Variants in APC observed in about 807,000 individuals in gnomAD.
The protein encoded by APC is APC regulator of Wnt signaling pathway.
Under a neutral mutation model 247.0 loss-of-function variants are expected in APC, and 72 were observed. That is an observed-to-expected ratio of 0.29 (90% CI 0.24 to 0.35). The LOEUF is 0.35. Ranked by LOEUF, APC falls within the 10% of genes least tolerant of loss-of-function variation. The pLI is 1.00. For synonymous variants in APC, 1,254 were observed against 1,162.5 expected (o/e 1.08, Z -1.60); for missense variants, 3,400 against 3,360.7 (o/e 1.01, Z -0.29).
Position 112,726,023 on chromosome 5 carries a change from A to G in APC, c.165+18141A>G, listed in dbSNP as rs374949466. ...GGGGAGTGGCTCATCTGTTCAGGCC[A>G]CCGTCCATGCTCAAACCCCTTATGG... is the stretch of plus-strand genomic sequence containing the variant. On this transcript the variant is annotated intron_variant, in intron 1 of 13. Coordinates refer to the APC transcript ENST00000507379. Among the ~76,000 whole-genome samples the G allele has an allele frequency of 4.6e-5, 7 of 151,994 alleles. No individual in the cohort carries two copies. In the East Asian group the frequency reaches 5.8e-4, roughly 13 times the overall value.
intron 1 of APC, among the ~76,000 whole-genome samples, chr5:112,728,076 T>C (rs928416377): frequency 1.3e-5 from 2 of 152,032 alleles, no homozygotes; most frequent in African/African-American, 4.8e-5. Context: ...ATGAGATTTT[T>C]TTGCAATTTT....
At chr5:112,834,560 C>A (rs1764661547) in intron 14 of APC, among the ~76,000 whole-genome samples, 1 of 152,128 alleles carries the variant, frequency 6.6e-6, no homozygotes, top group African/African-American at 2.4e-5. Context: ...GGGCCTTAAT[C>A]CACTTCCTGT....
rs748302469 is a variant in APC, at chr5:112,838,097, T to A, written c.2503T>A (p.Ser835Thr). 2 of 1,614,218 alleles carry A rather than the reference T, an allele frequency of 1.2e-6. No individual in the cohort carries two copies. The highest frequency in any genetic ancestry group is 1.1e-5 in the South Asian group (1 of 91,078). The stretch of plus-strand genomic sequence containing the variant: ...GAATACTACAGTGTTACCCAGCTCC[T>A]CTTCATCAAGAGGAAGCTTAGATAG... Reference protein sequence around the residue: ...YLNTTVLPSSSSSRGSLDSSR... With the variant: ...YLNTTVLPSSTSSRGSLDSSR... The change falls in exon 16 of 16, where the codon TCT (serine) becomes ACT (threonine). Residue 835 changes from serine to threonine, a missense_variant. Ser to Thr is a moderately conservative substitution (Grantham distance 58, BLOSUM62 1). Coordinates refer to ENST00000257430, the MANE Select transcript of APC (RefSeq NM_000038.6).
At chr5:112,817,454 T>C (rs1762627496) in intron 9 of APC, among the ~76,000 whole-genome samples, 1 of 152,208 alleles carries the variant, frequency 6.6e-6, no homozygotes, top group South Asian at 2.1e-4. Context: ...GAGTTGTATG[T>C]ACCTTATCTC....
intron 1 of APC, among the ~76,000 whole-genome samples, chr5:112,725,215 C>T (rs1751706064): frequency 6.6e-6 from 1 of 152,096 alleles, no homozygotes; most frequent in African/African-American, 2.4e-5. Context: ...TCAGGTGGTC[C>T]ACCTGCCTTG....
chr5:112,766,201 A>T, intron 2 of APC, 125 bp from the exon 3 acceptor site: 1 of 664,964 alleles, frequency 1.5e-6, no homozygotes, highest in East Asian at 2.7e-5. Context: ...GGTAATATAT[A>T]TAAGGTGCGT....
rs1580454056 is a variant in APC at position 112,801,178 on chromosome 5, T to C, written c.730-101T>C. Reference sequence around the variant, plus strand: ...TCCATGCCTTTATCAGTCTGTATAATTGATGCATTCAGAGCTTTAAAGCAA... The same window carrying C: ...TCCATGCCTTTATCAGTCTGTATAACTGATGCATTCAGAGCTTTAAAGCAA... On this transcript the variant is annotated intron_variant, in intron 7 of 15. Coordinates refer to ENST00000257430, the MANE Select transcript of APC (RefSeq NM_000038.6). 9 of 788,066 alleles carry C rather than the reference T, an allele frequency of 1.1e-5. No individual in the cohort carries two copies. In the East Asian group the frequency reaches 2.5e-4, roughly 22 times the overall value. 48.8% of individuals were successfully genotyped at this position (788,066 alleles called of 1,614,324 possible).
intron 1 of APC, among the ~76,000 whole-genome samples, chr5:112,744,742 A>G (rs1004653577): frequency 6.6e-6 from 1 of 152,226 alleles, no homozygotes; most frequent in African/African-American, 2.4e-5. Context: ...GGAGAGACTT[A>G]CTTGAGGAAG....
chr5:112,723,054 T>A (rs1422519393), intron 1 of APC, among the ~76,000 whole-genome samples: 2 of 151,970 alleles, frequency 1.3e-5, no homozygotes, highest in Non-Finnish European at 2.9e-5. Flanking sequence ...AAAACCAGAT[T>A]AGAGTCATGC....
chr5:112,794,857 A>G (rs1265148304), intron 7 of APC, among the ~76,000 whole-genome samples: 1 of 152,156 alleles, frequency 6.6e-6, no homozygotes, highest in Admixed American at 6.5e-5. Context: ...AAAGTGCTAT[A>G]CTTAGGATTA....
At chr5:112,832,896 C>G (rs1580592701) in intron 14 of APC, among the ~76,000 whole-genome samples, 1 of 152,218 alleles carries the variant, frequency 6.6e-6, no homozygotes, top group South Asian at 2.1e-4. Context: ...TATCAGTTTG[C>G]TATGTTTGCA....
At chr5:112,797,035 A>G (rs945880624) in intron 7 of APC, among the ~76,000 whole-genome samples, 1 of 151,922 alleles carries the variant, frequency 6.6e-6, no homozygotes, top group African/African-American at 2.4e-5. Context: ...ATTTTCCAGT[A>G]CTGTTACAAG....
intron 8 of APC, among the ~76,000 whole-genome samples, chr5:112,808,042 C>T (rs1185133788): frequency 3.9e-5 from 6 of 152,082 alleles, no homozygotes; most frequent in Non-Finnish European, 7.4e-5. Flanking sequence ...GTAGTCCCAG[C>T]TACTCGGGAA....
At chr5:112,712,380 C>G (rs1750905013) in intron 1 of APC, among the ~76,000 whole-genome samples, 1 of 152,018 alleles carries the variant, frequency 6.6e-6, no homozygotes, top group Non-Finnish European at 1.5e-5. Context: ...TGTGTGTGCA[C>G]ATATATGTTT....
At chr5:112,759,222 G>A (rs968047059) in intron 2 of APC, among the ~76,000 whole-genome samples, 2 of 152,040 alleles carry the variant, frequency 1.3e-5, no homozygotes, top group African/African-American at 4.8e-5. Context: ...CTTTAATTAT[G>A]ATATACTGAA....
At position 112,838,761 on chromosome 5, in the gene APC, T is replaced by C. The variant is rs1554084790; in HGVS notation, c.3167T>C (p.Ile1056Thr). The part of the protein sequence containing the change: ...NERWARPKHI[I>T]EDEIKQSEQR... ...AGATGGGCAAGACCCAAACACATAA[T>C]AGAAGATGAAATAAAACAAAGTGAG... Residue 1056 changes from isoleucine (I) to threonine (T), a missense_variant, in exon 16 of 16, where the codon ATA becomes ACA. Physicochemically the swap from Ile to Thr is moderately conservative, Grantham distance 89 (BLOSUM62 -1). Around this residue, in one of 9 missense-constraint regions of APC, gnomAD observed 715 missense variants for 656.6 expected, o/e 1.09. Coordinates refer to ENST00000257430, the MANE Select transcript of APC (RefSeq NM_000038.6). 3 of 1,614,000 alleles carry C rather than the reference T, an allele frequency of 1.9e-6. No homozygotes were observed. Among genetic ancestry groups the C allele is most frequent in the South Asian group, 2.2e-5 (2 of 91,080 alleles).
intron 4 of APC, 119 bp downstream of exon 4, chr5:112,767,509 C>T: frequency 2.6e-6 from 2 of 765,792 alleles, no homozygotes; most frequent in South Asian, 3.9e-5. Context: ...GAGCATTTTG[C>T]ATTTTTAAAC....
Position 112,842,340 on chromosome 5 carries a change from A to C in APC, c.6746A>C (p.Lys2249Thr), listed in dbSNP as rs1766291767. ...SSSSTSPVSK[K>T]GPPLKTPASK... is the part of the protein sequence containing the mutation. ...TCAAGTACAAGTCCTGTTTCTAAAA[A>C]AGGCCCACCCCTTAAGACTCCAGCC... is the stretch of plus-strand genomic sequence containing the variant. The change falls in exon 16 of 16, where the codon AAA (lysine) becomes ACA (threonine). Residue 2249 changes from lysine to threonine, a missense_variant. Lys to Thr is a moderately conservative substitution (Grantham distance 78). Coordinates refer to ENST00000257430, the MANE Select transcript of APC (RefSeq NM_000038.6). The C allele has an allele frequency of 6.2e-7, 1 of 1,613,974 alleles. No individual in the cohort carries two copies. The highest frequency in any genetic ancestry group is 8.5e-7 in the Non-Finnish European group (1 of 1,179,880).
At chr5:112,822,854 A>G (rs1763281569) in intron 11 of APC, among the ~76,000 whole-genome samples, 2 of 152,322 alleles carry the variant, frequency 1.3e-5, no homozygotes, top group South Asian at 4.1e-4. Flanking sequence ...TTTATCTTAA[A>G]AGTGATGAAG....
Sources: gnomAD v4.1 joint callset for allele counts (sites outside exome capture counted in the v4.1 genomes callset) on GRCh38, gnomAD v4.1.1 for gene constraint, gnomAD v4.1.1 regional missense constraint, MANE v1.5 for transcripts, NCBI Gene and HGNC (gene_info 2026-07-23, HGNC 2026-07-21) for gene names.